DHRS7C: variants seen among roughly 807,000 people sequenced by gnomAD.
DHRS7C encodes dehydrogenase/reductase 7C, also known as dehydrogenase/reductase SDR family member 7C.
DHRS7C carries 28 observed loss-of-function variants against 29.6 expected under a neutral mutation model. The ratio of observed to expected loss-of-function variants is 0.95; its 90% confidence interval spans 0.70 to 1.30. DHRS7C has a LOEUF of 1.30. Ranked by LOEUF, DHRS7C falls within the 50% of genes most tolerant of loss-of-function variation. The pLI is 0.00. For missense variants in DHRS7C, 403 were observed against 393.3 expected (o/e 1.02, Z -0.21); for synonymous variants, 158 against 160.2 (o/e 0.99, Z 0.10).
chr17:9,772,674 C>A, intron 5 of DHRS7C, 93 bp downstream of exon 5: 1 of 1,471,258 alleles, frequency 6.8e-7, no homozygotes, highest in Non-Finnish European at 9.1e-7. Context: ...ACTCATGTTT[C>A]AGGAGTACCC....
At chr17:9,783,191 C>G (rs189351776) in intron 1 of DHRS7C, among the ~76,000 whole-genome samples, 13 of 152,258 alleles carry the variant, frequency 8.5e-5, no homozygotes, top group Non-Finnish European at 1.5e-4. Flanking sequence ...GGGAGGAGGG[C>G]TCTAGGAGAG....
At chr17:9,783,934 C>T (rs1048260216) in intron 1 of DHRS7C, among the ~76,000 whole-genome samples, 1 of 100,952 alleles carries the variant, frequency 9.9e-6, no homozygotes, top group Admixed American at 9.6e-5. Context: ...GAGTGAGACT[C>T]TGTTTTTTTT....
rs774901207 is a variant in DHRS7C, at chr17:9,771,571, C to T, written c.853G>A (p.Val285Ile). The change falls in exon 6 of 6, where the codon GTC becomes ATC. Residue 285 changes from valine (V) to isoleucine (I), a missense_variant. Coordinates refer to ENST00000571134, the MANE Select transcript of DHRS7C (RefSeq NM_001105571.3). Reference sequence around the variant, plus strand: ...AAGAACTCCGGGAAGAAGGTGCGGACGTACACGGCGGCCTTGGGGATGGGG... The same window carrying T: ...AAGAACTCCGGGAAGAAGGTGCGGATGTACACGGCGGCCTTGGGGATGGGG... ...ANPIPKAAVY[V>I]RTFFPEFFFA... The T allele has an allele frequency of 3.8e-6, 6 of 1,593,374 alleles. No individual in the cohort carries two copies. The highest frequency in any genetic ancestry group is 2.3e-5 in the South Asian group (2 of 88,158).
rs371848083 is a variant in DHRS7C at position 9,771,875 on chromosome 17, T to G, written c.728-179A>C. Among the ~76,000 whole-genome samples, 20 of 152,368 alleles carry G rather than the reference T, an allele frequency of 1.3e-4. No individual in the cohort carries two copies. In the East Asian group the frequency reaches 2.3e-3, roughly 18 times the overall value. ...GACCAGCGGGAGACACTCCACTCTCTGCGCTTCCTTCTGCGTCTTCGTCTA... is the reference window on the plus strand; with the variant it reads ...GACCAGCGGGAGACACTCCACTCTCGGCGCTTCCTTCTGCGTCTTCGTCTA... On this transcript the variant is annotated intron_variant, in intron 5 of 5. Coordinates refer to ENST00000571134, the MANE Select transcript of DHRS7C (RefSeq NM_001105571.3).
At position 9,772,781 on chromosome 17, in the gene DHRS7C, G is replaced by C. The variant is rs1404320598; in HGVS notation, c.713C>G (p.Ala238Gly). ...HVYPEQGNWE[A>G]SIWKFFFRKL... ...TGAAGTCTCACATTTCCAAATGGAAGCTTCCCAGTTTCCTTGCTCTGGATA... is the reference window on the plus strand; with the variant it reads ...TGAAGTCTCACATTTCCAAATGGAACCTTCCCAGTTTCCTTGCTCTGGATA... The change falls in exon 5 of 6, where the codon GCT becomes GGT. Residue 238 changes from alanine (A) to glycine (G), a missense_variant. Coordinates refer to ENST00000571134, the MANE Select transcript of DHRS7C (RefSeq NM_001105571.3). The C allele has an allele frequency of 1.2e-6, 2 of 1,613,884 alleles. No individual in the cohort carries two copies. Among genetic ancestry groups the C allele is most frequent in the Non-Finnish European group, 1.7e-6 (2 of 1,179,862 alleles).
intron 2 of DHRS7C, 47 bp downstream of exon 2, chr17:9,781,435 C>A (rs750225819): frequency 1.3e-6 from 2 of 1,571,428 alleles, no homozygotes; most frequent in African/African-American, 2.7e-5. Context: ...TCAATGGAGG[C>A]TGGGAGTTCC....
intron 1 of DHRS7C, among the ~76,000 whole-genome samples, chr17:9,786,540 C>T (rs145510314): frequency 2.6e-5 from 4 of 152,010 alleles, no homozygotes; most frequent in Non-Finnish European, 4.4e-5. Flanking sequence ...GATGTGTTCA[C>T]ACAGGATGTC....
Position 9,781,488 on chromosome 17 carries a change from G to A in DHRS7C, c.261C>T (p.Pro87=). 2 of 1,613,826 alleles carry A rather than the reference G, an allele frequency of 1.2e-6. No homozygotes were observed. Among genetic ancestry groups the A allele is most frequent in the South Asian group, 1.1e-5 (1 of 91,062 alleles). Residue 87 remains proline (P), a synonymous_variant, in exon 2 of 6, where the codon CCC becomes CCT. Transcript: ENST00000571134. ...LYDALISVAD[P]SKTFTPKLVL... is the part of the protein sequence containing the mutation. ...TACTGCTAGAAGACCTTACCTTGCTGGGGTCAGCCACGCTGATCAAGGCAT... is the reference window on the plus strand; with the variant it reads ...TACTGCTAGAAGACCTTACCTTGCTAGGGTCAGCCACGCTGATCAAGGCAT...
intron 1 of DHRS7C, among the ~76,000 whole-genome samples, chr17:9,786,683 C>G (rs144406981): frequency 2.9e-4 from 44 of 152,248 alleles, no homozygotes; most frequent in African/African-American, 1.0e-3. Context: ...AGTCTTTCTG[C>G]ATTTCAGCTG....
intron 1 of DHRS7C, 91 bp downstream of exon 1, chr17:9,791,040 G>C: frequency 6.8e-7 from 1 of 1,465,496 alleles, no homozygotes; most frequent in Admixed American, 2.2e-5. Context: ...GAGCAGGTTT[G>C]CCCACACAGC....
chr17:9,780,430 GA>G (rs11387517), intron 2 of DHRS7C, among the ~76,000 whole-genome samples: 16,681 of 148,218 alleles, frequency 0.11, 1,169 homozygotes, highest in East Asian at 0.3. Context: ...CTTGCAAGTT[GA>G]AAAAAAAAAA....
At chr17:9,789,710 C>T (rs1245552227) in intron 1 of DHRS7C, among the ~76,000 whole-genome samples, 5 of 152,152 alleles carry the variant, frequency 3.3e-5, no homozygotes, top group Non-Finnish European at 4.4e-5. Context: ...TGGTGCAATG[C>T]CAGACAAAGG....
chr17:9,777,536 C>CTT (rs35099144), intron 3 of DHRS7C, among the ~76,000 whole-genome samples: 55 of 147,926 alleles, frequency 3.7e-4, no homozygotes, highest in East Asian at 5.9e-4. Context: ...ACACTGATTT[C>CTT]TTTTTTTTTT....
intron 4 of DHRS7C, among the ~76,000 whole-genome samples, chr17:9,776,436 G>A (rs898163713): frequency 1.1e-4 from 16 of 152,102 alleles, no homozygotes; most frequent in South Asian, 6.2e-4. Flanking sequence ...ATTTTGTTAC[G>A]GCAGCCTGAG....
At chr17:9,779,341 G>T (rs1167223573) in intron 3 of DHRS7C, among the ~76,000 whole-genome samples, 2 of 152,172 alleles carry the variant, frequency 1.3e-5, no homozygotes, top group Non-Finnish European at 2.9e-5. Context: ...CTGTGAAGGG[G>T]TTGACAGAAT....
intron 5 of DHRS7C, 55 bp from the exon 6 acceptor site, chr17:9,771,751 T>G: frequency 3.0e-6 from 4 of 1,345,108 alleles, no homozygotes; most frequent in Non-Finnish European, 3.8e-6. Flanking sequence ...ACCCGGCTGG[T>G]CAGAGCCCTG....
At chr17:9,781,827 C>A (rs2066395020) in intron 1 of DHRS7C, among the ~76,000 whole-genome samples, 1 of 152,202 alleles carries the variant, frequency 6.6e-6, no homozygotes, top group South Asian at 2.1e-4. Flanking sequence ...ACAACTCCTC[C>A]TTTGTTAGAA....
At chr17:9,772,275 G>C (rs1312122889) in intron 5 of DHRS7C, among the ~76,000 whole-genome samples, 1 of 152,122 alleles carries the variant, frequency 6.6e-6, no homozygotes, top group Non-Finnish European at 1.5e-5. Context: ...TTTCTAAAAT[G>C]AAAATAATAA....
chr17:9,785,892 G>A (rs1286886807), intron 1 of DHRS7C, among the ~76,000 whole-genome samples: 2 of 152,168 alleles, frequency 1.3e-5, no homozygotes, highest in African/African-American at 2.4e-5. Context: ...CTAGCTGTGG[G>A]GAGGAGCAGA....
Sources: gnomAD v4.1 joint callset for allele counts (sites outside exome capture counted in the v4.1 genomes callset) on GRCh38, gnomAD v4.1.1 for gene constraint, MANE v1.5 for transcripts, NCBI Gene and HGNC (gene_info 2026-07-23, HGNC 2026-07-21) for gene names.